Variants in RBFOX1 observed in about 807,000 individuals in gnomAD.
RBFOX1 encodes the protein RNA binding fox-1 homolog 1.
In RBFOX1, 8 loss-of-function variants were observed where a neutral mutation model predicts 57.7. That is an observed-to-expected ratio of 0.14 (90% CI 0.08 to 0.25). RBFOX1 has a LOEUF of 0.25. RBFOX1 is among the 10% of genes least tolerant of loss of function. The probability of loss-of-function intolerance (pLI) is 1.00; values close to 1 mark genes in which losing one functional copy is unlikely to be tolerated. For missense variants in RBFOX1, 611 were observed against 548.5 expected, an observed-to-expected ratio of 1.11 and a Z score of -1.14; for synonymous variants, 326 against 222.4, an observed-to-expected ratio of 1.47 and a Z score of -4.15.
intron 4 of RBFOX1, among the ~76,000 whole-genome samples, chr16:7,159,392 G>A (rs774297294): frequency 2.0e-5 from 3 of 152,126 alleles, no homozygotes; most frequent in African/African-American, 4.8e-5. Context: ...GCTGATATTT[G>A]AAAGAGAATC....
In RBFOX1 at chr16:6,519,465, C is replaced by G. The variant is rs2096457965; in HGVS notation, c.-63-135138C>G. On this transcript the variant is annotated intron_variant, in intron 2 of 15. Coordinates refer to ENST00000550418, the MANE Select transcript of RBFOX1 (RefSeq NM_018723.4). ...GCTGTAATCCCAGCACTTTGGGAGG[C>G]CAACTCAGGAAGATCACCTGAGGTC... Among the ~76,000 whole-genome samples, 5 of 152,180 alleles carry G rather than the reference C, an allele frequency of 3.3e-5. No homozygotes were observed. In the South Asian group the frequency reaches 1.0e-3, roughly 32 times the overall value.
intron 3 of RBFOX1, among the ~76,000 whole-genome samples, chr16:6,994,325 T>A (rs2091948851): frequency 6.6e-6 from 1 of 152,164 alleles, no homozygotes; most frequent in African/African-American, 2.4e-5. Flanking sequence ...TGGATGTAAG[T>A]GTCTAGAGTC....
At chr16:7,413,826 C>G (rs541627395) in intron 4 of RBFOX1, among the ~76,000 whole-genome samples, 2 of 152,228 alleles carry the variant, frequency 1.3e-5, no homozygotes, top group South Asian at 2.1e-4. Context: ...AGCCCATGAA[C>G]TTGGTTTCTA....
chr16:6,664,615 G>A (rs932222209), intron 3 of RBFOX1, among the ~76,000 whole-genome samples: 3 of 152,120 alleles, frequency 2.0e-5, no homozygotes, highest in Admixed American at 1.3e-4. Context: ...AGTGAGATTC[G>A]ACATCATTTT....
chr16:6,679,093 G>A (rs927470741), intron 3 of RBFOX1, among the ~76,000 whole-genome samples: 5 of 152,064 alleles, frequency 3.3e-5, no homozygotes, highest in Non-Finnish European at 5.9e-5. Context: ...GAGAGAGAGG[G>A]CAAGCAAGCT....
At chr16:7,049,100 G>C (rs556765075) in intron 3 of RBFOX1, among the ~76,000 whole-genome samples, 1 of 152,234 alleles carries the variant, frequency 6.6e-6, no homozygotes, top group South Asian at 2.1e-4. Context: ...ATACTGTTTG[G>C]GGGTGATTTT....
intron 10 of RBFOX1, among the ~76,000 whole-genome samples, chr16:7,616,604 C>T (rs546021797): frequency 1.5e-4 from 23 of 152,302 alleles, no homozygotes; most frequent in African/African-American, 5.1e-4. Context: ...CACTCTGTCA[C>T]CTAGGCTGGA....
intron 2 of RBFOX1, among the ~76,000 whole-genome samples, chr16:5,597,224 A>C (rs1596382422): frequency 1.4e-5 from 2 of 143,596 alleles, no homozygotes; most frequent in African/African-American, 2.6e-5. Flanking sequence ...CTTTTTATAC[A>C]CCTCTCCTTC....
chr16:7,600,649 T>A (rs1205324828), intron 9 of RBFOX1, among the ~76,000 whole-genome samples: 1 of 152,194 alleles, frequency 6.6e-6, no homozygotes, highest in Non-Finnish European at 1.5e-5. Context: ...CTATCAAAGT[T>A]TCAGGTCATC....
chr16:7,044,885 A>C (rs1389031776), intron 3 of RBFOX1, among the ~76,000 whole-genome samples: 2 of 152,032 alleles, frequency 1.3e-5, no homozygotes, highest in Non-Finnish European at 1.5e-5. Flanking sequence ...CTCTCCCATA[A>C]TGGTTATGGA....
chr16:7,216,025 G>T (rs1239236620), intron 4 of RBFOX1, among the ~76,000 whole-genome samples: 1 of 152,052 alleles, frequency 6.6e-6, no homozygotes, highest in South Asian at 2.1e-4. Context: ...GCCCAGCCTG[G>T]ATGTTTTATA....
At chr16:6,114,989 G>A (rs1406946024) in intron 1 of RBFOX1, among the ~76,000 whole-genome samples, 1 of 152,164 alleles carries the variant, frequency 6.6e-6, no homozygotes, top group African/African-American at 2.4e-5. Context: ...TGCAAACTGA[G>A]GGGTGGGTTA....
chr16:7,597,648 TTC>T (rs767965781), intron 9 of RBFOX1, among the ~76,000 whole-genome samples: 1 of 152,236 alleles, frequency 6.6e-6, no homozygotes, highest in Non-Finnish European at 1.5e-5. Context: ...CCTTCTTCCC[TTC>T]TTTCTAGAAT....
At chr16:7,070,135 C>T (rs2057018544) in intron 4 of RBFOX1, among the ~76,000 whole-genome samples, 2 of 152,148 alleles carry the variant, frequency 1.3e-5, no homozygotes, top group Admixed American at 6.6e-5. Flanking sequence ...TGCCGCTGTG[C>T]TCATGGTGCA....
intron 2 of RBFOX1, among the ~76,000 whole-genome samples, chr16:6,476,318 C>G (rs919936439): frequency 6.6e-6 from 1 of 152,094 alleles, no homozygotes; most frequent in Admixed American, 6.6e-5. Flanking sequence ...ATAGTAAATA[C>G]ACATCTTGTA....
At chr16:7,658,073 C>G (rs1352737389) in intron 12 of RBFOX1, among the ~76,000 whole-genome samples, 3 of 152,266 alleles carry the variant, frequency 2.0e-5, no homozygotes, top group Non-Finnish European at 4.4e-5. Context: ...GAGGGTGAAG[C>G]AGGGAAATCC....
At chr16:6,757,311 G>T (rs1429694719) in intron 3 of RBFOX1, among the ~76,000 whole-genome samples, 1 of 152,042 alleles carries the variant, frequency 6.6e-6, no homozygotes, top group Non-Finnish European at 1.5e-5. Context: ...TTACCCAGAG[G>T]AAAGAAAATC....
chr16:6,186,558 C>T (rs758282206), intron 1 of RBFOX1, among the ~76,000 whole-genome samples: 2 of 152,084 alleles, frequency 1.3e-5, no homozygotes, highest in Non-Finnish European at 2.9e-5. Flanking sequence ...GGGAAAAGAA[C>T]TGGACATTGC....
chr16:6,616,831 G>C (rs550318816), intron 2 of RBFOX1, among the ~76,000 whole-genome samples: 33 of 152,170 alleles, frequency 2.2e-4, no homozygotes, highest in Non-Finnish European at 4.6e-4. Flanking sequence ...CTAACATCAC[G>C]GAATGGCAAA....
Sources: gnomAD v4.1 joint callset for allele counts (sites outside exome capture counted in the v4.1 genomes callset) on GRCh38, gnomAD v4.1.1 for gene constraint, MANE v1.5 for transcripts, NCBI Gene and HGNC (gene_info 2026-07-23, HGNC 2026-07-21) for gene names.